Variants in CCZ1B observed in about 807,000 individuals in gnomAD.
CCZ1B encodes the protein CCZ1B vacuolar protein trafficking and biogenesis associated, also known as vacuolar fusion protein CCZ1 homolog B.
CCZ1B carries 25 observed loss-of-function variants against 58.8 expected under a neutral mutation model. That is an observed-to-expected ratio of 0.43 (90% CI 0.31 to 0.59). CCZ1B has a LOEUF of 0.59. Ranked by LOEUF, CCZ1B falls within the 20% of genes least tolerant of loss-of-function variation. The pLI is 0.12. For missense variants in CCZ1B, 180 were observed against 501.5 expected (o/e 0.36, Z 6.12); for synonymous variants, 66 against 173.2 (o/e 0.38, Z 4.86).
intron 12 of CCZ1B, among the ~76,000 whole-genome samples, chr7:6,803,683 G>T (rs1782792438): frequency 6.9e-6 from 1 of 144,944 alleles, no homozygotes; most frequent in South Asian, 2.6e-4. Context: ...TAACATATGG[G>T]CCGGGCGCGG....
chr7:6,800,714 T>C lies in CCZ1B; in HGVS notation c.1393+234A>G, dbSNP rs976509088. ...TTAATATAAAGTCATTTTTTTTTTT[T>C]TTTAGAATTGTAGAAAATAATTTTC... On this transcript the variant is annotated intron_variant, in intron 14 of 14. Transcript: ENST00000316731. Among the ~76,000 whole-genome samples, 39 of 144,140 alleles carry C rather than the reference T, an allele frequency of 2.7e-4. 3 individuals carry two copies. The highest frequency in any genetic ancestry group is 4.9e-4 in the Non-Finnish European group (33 of 66,738). The allele number at this position is 144,140 out of a possible 152,430, so 94.6% of individuals were successfully genotyped here. A position where few individuals can be genotyped will look rare whatever the true frequency, so the allele number is the denominator to read the frequency against.
chr7:6,816,906 ACAC>A (rs1342830511), intron 7 of CCZ1B, among the ~76,000 whole-genome samples: 1 of 150,128 alleles, frequency 6.7e-6, no homozygotes, highest in East Asian at 1.9e-4. Context: ...CTCTAAGTGC[ACAC>A]CACAATGCCC....
intron 6 of CCZ1B, among the ~76,000 whole-genome samples, chr7:6,822,052 C>G (rs1220487949): frequency 6.7e-6 from 1 of 149,340 alleles, no homozygotes; most frequent in Non-Finnish European, 1.5e-5. Context: ...TTAAGAGCCC[C>G]GGGCAAACGC....
intron 7 of CCZ1B, among the ~76,000 whole-genome samples, chr7:6,818,616 A>AAAGAAAGAAAG (rs755972333): frequency 7.9e-6 from 1 of 127,236 alleles, no homozygotes; most frequent in African/African-American, 3.2e-5. Context: ...AGAAAGAAAG[A>AAAGAAAGAAAG]CAAGAAAGAA....
chr7:6,801,856 G>A (rs1228315775), intron 12 of CCZ1B, among the ~76,000 whole-genome samples: 2 of 113,448 alleles, frequency 1.8e-5, no homozygotes, highest in East Asian at 3.2e-4. Flanking sequence ...TTACAGGCGT[G>A]AGCCCCCGCG....
chr7:6,800,107 CCA>C (rs1379745434), intron 14 of CCZ1B, among the ~76,000 whole-genome samples: 2 of 109,208 alleles, frequency 1.8e-5, no homozygotes, highest in Non-Finnish European at 1.8e-5. Context: ...CACTGAATTT[CCA>C]CACAGTGTAC....
chr7:6,803,999 G>A (rs1298689449), intron 12 of CCZ1B, among the ~76,000 whole-genome samples: 18 of 148,108 alleles, frequency 1.2e-4, no homozygotes, highest in Non-Finnish European at 7.5e-5. Context: ...GACCATGAGC[G>A]TATGCAGAAA....
At chr7:6,803,926 G>C (rs1782796948) in intron 12 of CCZ1B, among the ~76,000 whole-genome samples, 1 of 143,542 alleles carries the variant, frequency 7.0e-6, no homozygotes, top group African/African-American at 2.6e-5. Flanking sequence ...ACTCCAGCCT[G>C]GGCAACTGAG....
intron 8 of CCZ1B, among the ~76,000 whole-genome samples, chr7:6,813,406 C>A (rs572659982): frequency 6.7e-6 from 1 of 149,124 alleles, no homozygotes; most frequent in Non-Finnish European, 1.5e-5. Flanking sequence ...GGCAACATGA[C>A]GAGATCCCAT....
chr7:6,810,953 A>G (rs1330545807), intron 10 of CCZ1B, among the ~76,000 whole-genome samples: 1 of 150,510 alleles, frequency 6.6e-6, no homozygotes, highest in Non-Finnish European at 1.5e-5. Context: ...GAAGAAAGAA[A>G]TGCCAGAATG....
At chr7:6,825,148 G>T (rs1480341083) in intron 1 of CCZ1B, among the ~76,000 whole-genome samples, 1 of 149,890 alleles carries the variant, frequency 6.7e-6, no homozygotes, top group Admixed American at 6.6e-5. Flanking sequence ...ATACACCAAT[G>T]CTTGTAAGAA....
intron 7 of CCZ1B, among the ~76,000 whole-genome samples, chr7:6,818,616 A>AAAG (rs755972333): frequency 7.9e-6 from 1 of 127,234 alleles, no homozygotes; most frequent in African/African-American, 3.2e-5. Flanking sequence ...AGAAAGAAAG[A>AAAG]CAAGAAAGAA....
chr7:6,812,874 C>A lies in CCZ1B; in HGVS notation c.842+102G>T, dbSNP rs187326265. 1.3e-6 allele frequency: 2 copies of A among 1,543,068 alleles called. 1 individual carries two copies. Among genetic ancestry groups the A allele is most frequent in the Non-Finnish European group, 1.7e-6 (2 of 1,142,884 alleles). On this transcript the variant is annotated intron_variant, in intron 9 of 14. Transcript: ENST00000316731. ...CCGGGGAGGCAGAGGTTGCAGTGAG[C>A]GGAGATCTTGCCACTGCTCTCCAGC...
At position 6,815,228 on chromosome 7, in the gene CCZ1B, C is replaced by T. The variant is rs561889775; in HGVS notation, c.699-383G>A. On this transcript the variant is annotated intron_variant, in intron 7 of 14. Transcript: ENST00000316731. ...GTCACCCAGGCTGGAAGCAGTGGTGCGATCATGGCTCACTGCAGCCTTGGC... is the reference window on the plus strand; with the variant it reads ...GTCACCCAGGCTGGAAGCAGTGGTGTGATCATGGCTCACTGCAGCCTTGGC... 4.7e-4 allele frequency among the ~76,000 whole-genome samples: 68 copies of T among 144,840 alleles called. No individual in the cohort carries two copies. In the East Asian group the frequency reaches 0.013, roughly 27 times the overall value.
In CCZ1B at chr7:6,820,805, T is replaced by C. The variant is rs573637320; in HGVS notation, c.523-864A>G. ...GCGTGGTAGCCTGTAATCCCAACTATTCAGGAGGCTGAGACAGGAGAATCA... is the reference window on the plus strand; with the variant it reads ...GCGTGGTAGCCTGTAATCCCAACTACTCAGGAGGCTGAGACAGGAGAATCA... On this transcript the variant is annotated intron_variant, in intron 6 of 14. Transcript: ENST00000316731. Among the ~76,000 whole-genome samples, 7 of 147,520 alleles carry C rather than the reference T, an allele frequency of 4.7e-5. 1 individual carries two copies. In the South Asian group the frequency reaches 1.5e-3, roughly 32 times the overall value.
At chr7:6,822,570 A>T in intron 5 of CCZ1B, 1 of 1,006,510 alleles carries the variant, frequency 9.9e-7, no homozygotes, top group South Asian at 2.1e-5. Context: ...TTATGAAACC[A>T]CCTAATTGCT....
At chr7:6,820,650 A>G (rs1783093863) in intron 6 of CCZ1B, among the ~76,000 whole-genome samples, 1 of 148,828 alleles carries the variant, frequency 6.7e-6, no homozygotes, top group Admixed American at 6.7e-5. Flanking sequence ...GGCCAGGCAC[A>G]GCGGCTCGCG....
intron 10 of CCZ1B, among the ~76,000 whole-genome samples, chr7:6,810,233 G>A (rs1162485100): frequency 2.7e-5 from 4 of 149,342 alleles, no homozygotes; most frequent in East Asian, 1.9e-4. Flanking sequence ...GGCTGGTCTC[G>A]AACTCCAGAC....
chr7:6,815,172 C>T lies in CCZ1B; in HGVS notation c.699-327G>A, dbSNP rs1158891395. Among the ~76,000 whole-genome samples, 26 of 135,766 alleles carry T rather than the reference C, an allele frequency of 1.9e-4. 1 individual carries two copies. In the East Asian group the frequency reaches 4.7e-3, roughly 24 times the overall value. 89.1% of individuals were successfully genotyped at this position (135,766 alleles called of 152,430 possible). ...TTTTATTAAAAAAAAATTTTTTTTTCTTTTTTTTTTTTGAGACAAGGTCTT... is the reference window on the plus strand; with the variant it reads ...TTTTATTAAAAAAAAATTTTTTTTTTTTTTTTTTTTTTGAGACAAGGTCTT... On this transcript the variant is annotated intron_variant, in intron 7 of 14. Coordinates refer to ENST00000316731, the MANE Select transcript of CCZ1B (RefSeq NM_198097.5).
Sources: gnomAD v4.1 joint callset for allele counts (sites outside exome capture counted in the v4.1 genomes callset) on GRCh38, gnomAD v4.1.1 for gene constraint, MANE v1.5 for transcripts, NCBI Gene and HGNC (gene_info 2026-07-23, HGNC 2026-07-21) for gene names.